The following ABCC9 variants were observed in gnomAD, a reference collection of about 807,000 sequenced individuals.
The protein encoded by ABCC9 is ATP-binding cassette sub-family C member 9.
Under a neutral mutation model 188.3 loss-of-function variants are expected in ABCC9, and 95 were observed. That is an observed-to-expected ratio of 0.50 (90% CI 0.43 to 0.60). The LOEUF (loss-of-function observed/expected upper bound fraction) is 0.60, where lower values mean the gene tolerates loss of function less well. Among genes scored for constraint, ABCC9 ranks in the 20% least tolerant of loss-of-function variants. ABCC9 has a pLI of 0.00. For missense variants in ABCC9, 1,102 were observed against 1,876.3 expected (o/e 0.59, Z 7.62); for synonymous variants, 659 against 652.7 (o/e 1.01, Z -0.15).
Position 21,841,347 on chromosome 12 carries a change from C to CTTTT in ABCC9, c.3473+963_3473+966dup, listed in dbSNP as rs1174314931. On this transcript the variant is annotated intron_variant, in intron 29 of 39. Coordinates refer to ENST00000261200, the MANE Select transcript of ABCC9 (RefSeq NM_020297.4). ...TCTTTGGGATTATGTTTCTGGTTTC[C>CTTTT]TTTTTTTTTTTTTTTTTTTTTTTTT... 8.2e-4 allele frequency among the ~76,000 whole-genome samples: 16 copies of CTTTT among 19,602 alleles called. 4 individuals are homozygous for CTTTT. The highest frequency in any genetic ancestry group is 6.6e-4 in the Non-Finnish European group (7 of 10,660). The allele number at this position is 19,602 out of a possible 152,430, so 12.9% of individuals were successfully genotyped here.
intron 19 of ABCC9, among the ~76,000 whole-genome samples, chr12:21,863,581 A>T (rs112970527): frequency 6.6e-6 from 1 of 152,222 alleles, no homozygotes; most frequent in Non-Finnish European, 1.5e-5. Context: ...GAAACTTTCA[A>T]TATTGAAATC....
At chr12:21,918,290 A>T (rs1041472417) in intron 5 of ABCC9, among the ~76,000 whole-genome samples, 4 of 152,164 alleles carry the variant, frequency 2.6e-5, no homozygotes, top group African/African-American at 9.6e-5. Context: ...ATGAAGATTT[A>T]GAAGATGTAT....
chr12:21,899,571 C>A (rs1489380801), intron 12 of ABCC9, among the ~76,000 whole-genome samples: 1 of 152,172 alleles, frequency 6.6e-6, no homozygotes, highest in African/African-American at 2.4e-5. Context: ...CCAAGGGAGG[C>A]TGTGACAGAC....
chr12:21,815,204 T>C (rs922769055), intron 34 of ABCC9, among the ~76,000 whole-genome samples: 3 of 151,494 alleles, frequency 2.0e-5, no homozygotes, highest in Admixed American at 1.3e-4. Flanking sequence ...AATAAAAATA[T>C]AAAAACAGTT....
intron 20 of ABCC9, among the ~76,000 whole-genome samples, chr12:21,861,560 C>T (rs747099522): frequency 1.2e-4 from 18 of 151,948 alleles, no homozygotes; most frequent in South Asian, 2.1e-4. Flanking sequence ...AGCTAGTTCA[C>T]GGAGCAGAAG....
At chr12:21,817,596 A>G (rs1008778130) in intron 32 of ABCC9, among the ~76,000 whole-genome samples, 1 of 152,088 alleles carries the variant, frequency 6.6e-6, no homozygotes, top group African/African-American at 2.4e-5. Context: ...TCTCATGTAT[A>G]TTCACATTCA....
At chr12:21,866,492 T>C (rs968492891) in intron 18 of ABCC9, among the ~76,000 whole-genome samples, 2 of 152,128 alleles carry the variant, frequency 1.3e-5, no homozygotes, top group Non-Finnish European at 2.9e-5. Flanking sequence ...AAAATAACCA[T>C]AAAATTATTT....
At position 21,815,842 on chromosome 12, in the gene ABCC9, T is replaced by C. The variant is rs1489723468; in HGVS notation, c.3944A>G (p.His1315Arg). 1 of 1,612,864 alleles carries C rather than the reference T, an allele frequency of 6.2e-7. No homozygotes were observed. Among genetic ancestry groups the C allele is most frequent in the Non-Finnish European group, 8.5e-7 (1 of 1,179,108 alleles). The change falls in exon 34 of 40, where the codon CAT (histidine) becomes CGT (arginine). Residue 1315 changes from histidine (H) to arginine (R), a missense_variant. Coordinates refer to ENST00000261200, the MANE Select transcript of ABCC9 (RefSeq NM_020297.4). The stretch of plus-strand genomic sequence containing the variant: ...ATTTTCATATCTGACACACAGATCA[T>C]GTATCTTGATCTCCCCTTCTTGTGG... ...HWPQEGEIKI[H>R]DLCVRYENNL...
chr12:21,843,107 T>G (rs1013925737), intron 28 of ABCC9, among the ~76,000 whole-genome samples: 3 of 152,204 alleles, frequency 2.0e-5, no homozygotes, highest in African/African-American at 7.2e-5. Flanking sequence ...CCTATTTTCC[T>G]TATTGTTTCT....
intron 5 of ABCC9, among the ~76,000 whole-genome samples, chr12:21,917,364 A>G (rs1373687531): frequency 6.6e-6 from 1 of 152,208 alleles, no homozygotes; most frequent in Non-Finnish European, 1.5e-5. Flanking sequence ...GATATATAAT[A>G]GGATAAACTA....
chr12:21,906,330 G>C (rs755684541), intron 11 of ABCC9, 42 bp from the exon 12 acceptor site: 2 of 1,564,668 alleles, frequency 1.3e-6, no homozygotes. Context: ...CTGCATCCAA[G>C]TGAATCAGAA....
At chr12:21,918,964 G>T (rs946975421) in intron 5 of ABCC9, among the ~76,000 whole-genome samples, 6 of 152,016 alleles carry the variant, frequency 3.9e-5, no homozygotes, top group African/African-American at 1.4e-4. Flanking sequence ...ACATGTTAAA[G>T]AAGAAATCAC....
At chr12:21,871,573 T>A (rs1255737801) in intron 18 of ABCC9, among the ~76,000 whole-genome samples, 1 of 152,208 alleles carries the variant, frequency 6.6e-6, no homozygotes, top group East Asian at 1.9e-4. Context: ...GAGAGATGTC[T>A]GTGTATGTAA....
intron 11 of ABCC9, among the ~76,000 whole-genome samples, chr12:21,906,684 A>G (rs1948064661): frequency 6.6e-6 from 1 of 152,140 alleles, no homozygotes; most frequent in Non-Finnish European, 1.5e-5. Flanking sequence ...TCTATCACTC[A>G]TACTTACAAG....
intron 11 of ABCC9, 23 bp downstream of exon 11, chr12:21,908,054 A>C: frequency 6.2e-7 from 1 of 1,609,766 alleles, no homozygotes; most frequent in Non-Finnish European, 8.5e-7. Context: ...TTTGTAATTA[A>C]GTTTCCAAAA....
intron 16 of ABCC9, among the ~76,000 whole-genome samples, chr12:21,878,401 T>C (rs1388988855): frequency 6.6e-6 from 1 of 152,146 alleles, no homozygotes; most frequent in Non-Finnish European, 1.5e-5. Context: ...CAATCCAACC[T>C]CATGCCTTCT....
intron 4 of ABCC9, among the ~76,000 whole-genome samples, chr12:21,929,941 G>A (rs1038860243): frequency 5.3e-5 from 8 of 151,556 alleles, no homozygotes; most frequent in Non-Finnish European, 5.9e-5. Flanking sequence ...CTATTAACTC[G>A]TCATTTACAT....
At chr12:21,921,197 A>C (rs1384217188) in intron 5 of ABCC9, among the ~76,000 whole-genome samples, 1 of 151,996 alleles carries the variant, frequency 6.6e-6, no homozygotes, top group Non-Finnish European at 1.5e-5. Flanking sequence ...AATAGTGTAC[A>C]AGGGTTTCCT....
chr12:21,899,206 G>A (rs1947585699), intron 12 of ABCC9, among the ~76,000 whole-genome samples: 2 of 152,168 alleles, frequency 1.3e-5, no homozygotes, highest in African/African-American at 4.8e-5. Flanking sequence ...GAACTAACAA[G>A]AGAATCGTTG....
Sources: gnomAD v4.1 joint callset for allele counts (sites outside exome capture counted in the v4.1 genomes callset) on GRCh38, gnomAD v4.1.1 for gene constraint, MANE v1.5 for transcripts, NCBI Gene and HGNC (gene_info 2026-07-23, HGNC 2026-07-21) for gene names.